LAMA3: variants seen among roughly 807,000 people sequenced by gnomAD.
LAMA3 encodes laminin subunit alpha 3, also known as laminin subunit alpha-3.
In LAMA3, 281 loss-of-function variants were observed where a neutral mutation model predicts 402.0. The ratio of observed to expected loss-of-function variants is 0.70; its 90% CI spans 0.63 to 0.77. The LOEUF (loss-of-function observed/expected upper bound fraction) is 0.77. Ranked by LOEUF, LAMA3 falls within the 30% of genes least tolerant of loss-of-function variation. The probability of loss-of-function intolerance (pLI) is 0.00; values close to 1 mark genes in which losing one functional copy is unlikely to be tolerated. For missense variants in LAMA3, 3,840 were observed against 4,215.5 expected (o/e 0.91, Z 2.47); for synonymous variants, 1,431 against 1,558.4 (o/e 0.92, Z 1.93).
At chr18:23,812,342 A>T (rs1187263064) in intron 13 of LAMA3, among the ~76,000 whole-genome samples, 1 of 152,188 alleles carries the variant, frequency 6.6e-6, no homozygotes, top group South Asian at 2.1e-4. Context: ...ACCCTGTCTC[A>T]AAAAAGAGAG....
At chr18:23,817,409 T>C (rs1483752819) in intron 18 of LAMA3, among the ~76,000 whole-genome samples, 1 of 152,186 alleles carries the variant, frequency 6.6e-6, no homozygotes, top group African/African-American at 2.4e-5. Context: ...AGCAAGGTGA[T>C]TCTCTCCTTT....
At chr18:23,823,324 CAA>C in intron 20 of LAMA3, among the ~76,000 whole-genome samples, 1 of 152,354 alleles carries the variant, frequency 6.6e-6, no homozygotes, top group African/African-American at 2.4e-5. Context: ...TGTTTGTAGA[CAA>C]AGTCTTCAGA....
rs1177590665 is a variant in LAMA3 at position 23,819,887 on chromosome 18, G to A, written c.2194G>A (p.Glu732Lys). The A allele has an allele frequency of 6.2e-7, 1 of 1,614,116 alleles. No individual in the cohort carries two copies. ...YFPDLHHMKYEIEDGSTPNGR... is the reference protein window; with the variant it reads ...YFPDLHHMKYKIEDGSTPNGR... Reference sequence around the variant, plus strand: ...CCCAGATTTGCATCATATGAAGTATGAGATTGAAGACGGCAGCACACCTAA... The same window carrying A: ...CCCAGATTTGCATCATATGAAGTATAAGATTGAAGACGGCAGCACACCTAA... Residue 732 changes from glutamate to lysine, a missense_variant, in exon 19 of 75, where the codon GAG becomes AAG. Physicochemically the swap from Glu to Lys is moderately conservative, Grantham distance 56. Around this residue, in one of 3 missense-constraint regions of LAMA3, gnomAD observed 2,109 missense variants for 2,376.0 expected, o/e 0.89. Transcript: ENST00000313654.
intron 2 of LAMA3, among the ~76,000 whole-genome samples, chr18:23,733,495 A>G (rs546236670): frequency 6.6e-6 from 1 of 152,196 alleles, no homozygotes; most frequent in East Asian, 1.9e-4. Flanking sequence ...CCATGAGAAC[A>G]GTACGGGAGA....
chr18:23,908,297 G>A lies in LAMA3; in HGVS notation c.7015+362G>A, dbSNP rs563754529. 1.4e-4 allele frequency among the ~76,000 whole-genome samples: 22 copies of A among 151,804 alleles called. 1 individual carries two copies. In the East Asian group the frequency reaches 3.7e-3, roughly 25 times the overall value. ...TGTAATCCCAGCACTTTGGGAGGCC[G>A]AGGTGGGTGGATCACGAGGTCAGGA... On this transcript the variant is annotated intron_variant, in intron 54 of 74. Transcript: ENST00000313654.
rs754136906 is a variant in LAMA3, at chr18:23,912,727, G to T, written c.7175G>T (p.Arg2392Met). ...DAASKVAVPM[R>M]FNGKSGVEVR... ...TCCTCACAGGTTGCTGTCCCCATGA[G>T]GTTCAATGGTAAATCTGGAGTCGAA... Residue 2392 changes from arginine (R) to methionine (M), a missense_variant, in exon 56 of 75, where the codon AGG (arginine) becomes ATG (methionine). Arg to Met is a moderately conservative substitution (Grantham distance 91, BLOSUM62 -1). Transcript: ENST00000313654. 1 of 1,614,072 alleles carries T rather than the reference G, an allele frequency of 6.2e-7. No individual in the cohort carries two copies. The highest frequency in any genetic ancestry group is 8.5e-7 in the Non-Finnish European group (1 of 1,179,926).
chr18:23,699,171 G>T (rs566091193), intron 1 of LAMA3, among the ~76,000 whole-genome samples: 1 of 152,362 alleles, frequency 6.6e-6, no homozygotes, highest in Non-Finnish European at 1.5e-5. Flanking sequence ...GGAGGCCTGA[G>T]GCCCCTGAGG....
At chr18:23,796,139 T>A (rs1340272637) in intron 12 of LAMA3, 1 of 416,472 alleles carries the variant, frequency 2.4e-6, no homozygotes, top group Admixed American at 2.6e-5. Flanking sequence ...AATAAATTTC[T>A]ATTGTTTAAG....
At chr18:23,915,906 T>C (rs2081594059) in intron 59 of LAMA3, among the ~76,000 whole-genome samples, 1 of 147,664 alleles carries the variant, frequency 6.8e-6, no homozygotes, top group African/African-American at 2.5e-5. Flanking sequence ...CTTGGAAGGC[T>C]GAGGCACAGG....
intron 2 of LAMA3, among the ~76,000 whole-genome samples, chr18:23,720,999 A>C (rs951708804): frequency 1.3e-5 from 2 of 152,014 alleles, no homozygotes; most frequent in Non-Finnish European, 2.9e-5. Context: ...TCTATAAAAA[A>C]ATAAAATAAT....
At position 23,905,586 on chromosome 18, in the gene LAMA3, T is replaced by C. The variant is rs1454118497; in HGVS notation, c.6680T>C (p.Leu2227Ser). 2 of 1,611,582 alleles carry C rather than the reference T, an allele frequency of 1.2e-6. No individual in the cohort carries two copies. Among genetic ancestry groups the C allele is most frequent in the Non-Finnish European group, 8.5e-7 (1 of 1,178,120 alleles). ...CTGAGTTCCAACAGTGATAAACTGT[T>C]AAATGAAGCCAAGATGACACAAAAG... The part of the protein sequence containing the change: ...KTLSSNSDKL[L>S]NEAKMTQKKL... The change falls in exon 52 of 75, where the codon TTA becomes TCA. Residue 2227 changes from leucine to serine, a missense_variant. Physicochemically the swap from Leu to Ser is moderately radical, Grantham distance 145. Coordinates refer to ENST00000313654, the MANE Select transcript of LAMA3 (RefSeq NM_198129.4).
At position 23,833,840 on chromosome 18, in the gene LAMA3, C is replaced by T. The variant is rs201674826; in HGVS notation, c.2836C>T (p.Leu946=). 9.9e-6 allele frequency: 16 copies of T among 1,613,154 alleles called. No individual in the cohort carries two copies. The highest frequency in any genetic ancestry group is 1.4e-5 in the Non-Finnish European group (16 of 1,180,020). Reference sequence around the variant, plus strand: ...GCCTCTGTGACAGGTGGAATTGCATCTGCGGCTGCGCATCCCACAGGTTGG... The same window carrying T: ...GCCTCTGTGACAGGTGGAATTGCATTTGCGGCTGCGCATCCCACAGGTTGG... ...DLSGREVELH[L]RLRIPQVGHY... Residue 946 remains leucine, a synonymous_variant, in exon 24 of 75, where the codon CTG becomes TTG. Transcript: ENST00000313654.
chr18:23,726,581 CTA>C (rs2061304177), intron 2 of LAMA3, among the ~76,000 whole-genome samples: 2 of 152,108 alleles, frequency 1.3e-5, no homozygotes, highest in Non-Finnish European at 2.9e-5. Context: ...GGGCAGGTGG[CTA>C]TAGTGTTCAC....
At position 23,846,399 on chromosome 18, in the gene LAMA3, C is replaced by T. The variant is rs756091268; in HGVS notation, c.3822C>T (p.Thr1274=). The change falls in exon 31 of 75, where the codon ACC becomes ACT. Residue 1274 remains threonine (T), a synonymous_variant. Coordinates refer to ENST00000313654, the MANE Select transcript of LAMA3 (RefSeq NM_198129.4). ...LPCECHPTGA[T]GPHCSPEGGQ... ...GTGAGTGCCACCCCACTGGGGCCAC[C>T]GGCCCTCACTGCAGCCCTGAGGGTG... The T allele has an allele frequency of 1.7e-5, 28 of 1,614,108 alleles. No individual in the cohort carries two copies. The highest frequency in any genetic ancestry group is 1.0e-4 in the Admixed American group (6 of 60,038).
At chr18:23,904,522 T>C in intron 50 of LAMA3, 31 bp from the exon 51 acceptor site, 1 of 1,570,310 alleles carries the variant, frequency 6.4e-7, no homozygotes. Context: ...AGGAAGGCTG[T>C]GGGGAGTGGC....
chr18:23,909,319 G>T, intron 55 of LAMA3, 24 bp downstream of exon 55: 1 of 1,606,140 alleles, frequency 6.2e-7, no homozygotes, highest in Non-Finnish European at 8.5e-7. Flanking sequence ...CACGTGGTCA[G>T]TGGCCAAGGC....
At chr18:23,777,203 A>G (rs1463711234) in intron 10 of LAMA3, among the ~76,000 whole-genome samples, 1 of 151,966 alleles carries the variant, frequency 6.6e-6, no homozygotes, top group Non-Finnish European at 1.5e-5. Flanking sequence ...ACAAAATGTC[A>G]GGAGAAAAAA....
chr18:23,752,829 T>C (rs1378700686), intron 5 of LAMA3, among the ~76,000 whole-genome samples: 1 of 152,068 alleles, frequency 6.6e-6, no homozygotes, highest in Non-Finnish European at 1.5e-5. Context: ...ACAACAACAA[T>C]AAAGGGACAA....
chr18:23,750,245 G>A (rs2061721961), intron 4 of LAMA3, among the ~76,000 whole-genome samples: 1 of 152,110 alleles, frequency 6.6e-6, no homozygotes, highest in Admixed American at 6.5e-5. Context: ...AGGCCATAAT[G>A]AATATGAACT....
Sources: gnomAD v4.1 joint callset for allele counts (sites outside exome capture counted in the v4.1 genomes callset) on GRCh38, gnomAD v4.1.1 for gene constraint, gnomAD v4.1.1 regional missense constraint, MANE v1.5 for transcripts, NCBI Gene and HGNC (gene_info 2026-07-23, HGNC 2026-07-21) for gene names.